CSTPP1: variants seen among roughly 807,000 people sequenced by gnomAD.
The protein encoded by CSTPP1 is UPF0705 protein C11orf49.
the CSTPP1 span, among the ~76,000 whole-genome samples, chr11:47,146,365 CAAAAAAA>C: frequency 1.4e-5 from 1 of 73,834 alleles, no homozygotes; most frequent in Non-Finnish European, 2.8e-5. Flanking sequence ...AACTCTGTCT[CAAAAAAA>C]AAAAAAAAAA....
chr11:47,016,186 A>G, the CSTPP1 span, among the ~76,000 whole-genome samples: 1 of 152,202 alleles, frequency 6.6e-6, no homozygotes, highest in Admixed American at 6.5e-5. Flanking sequence ...AAGGGCATCT[A>G]CGAAAAACCT....
At chr11:46,948,244 G>A in the CSTPP1 span, 1 of 430,746 alleles carries the variant, frequency 2.3e-6, no homozygotes, top group Non-Finnish European at 4.6e-6. Context: ...TTCTCTCTGT[G>A]TGGAGTTCTT....
At chr11:47,112,524 G>A in the CSTPP1 span, among the ~76,000 whole-genome samples, 2 of 152,164 alleles carry the variant, frequency 1.3e-5, no homozygotes, top group African/African-American at 4.8e-5. Context: ...TTTTCACCAT[G>A]TTGGCCAGGC....
At chr11:46,936,979 G>A in the CSTPP1 span, 3 of 1,221,882 alleles carry the variant, frequency 2.5e-6, no homozygotes, top group South Asian at 2.0e-5. Flanking sequence ...CGGAGAGGCG[G>A]GGGTTCCAGG....
At chr11:46,983,441 C>T in the CSTPP1 span, among the ~76,000 whole-genome samples, 1 of 152,176 alleles carries the variant, frequency 6.6e-6, no homozygotes, top group African/African-American at 2.4e-5. Context: ...TTTTAGGACA[C>T]TAGAGCGTAG....
chr11:47,149,988 G>A, the CSTPP1 span, among the ~76,000 whole-genome samples: 5 of 151,914 alleles, frequency 3.3e-5, no homozygotes, highest in African/African-American at 7.3e-5. Context: ...CTAGATCCCC[G>A]TGGCATCTCC....
At chr11:47,038,128 T>G in the CSTPP1 span, among the ~76,000 whole-genome samples, 3 of 6,622 alleles carry the variant, frequency 4.5e-4, no homozygotes, top group Admixed American at 3.3e-3. Flanking sequence ...CCCTCCCGGA[T>G]GGGGCGGCTG....
chr11:47,015,548 G>A, the CSTPP1 span, among the ~76,000 whole-genome samples: 1 of 151,832 alleles, frequency 6.6e-6, no homozygotes, highest in East Asian at 1.9e-4. Flanking sequence ...AGGCCCAGGT[G>A]GCTTCACTGG....
At chr11:46,962,225 G>A in the CSTPP1 span, among the ~76,000 whole-genome samples, 1 of 152,102 alleles carries the variant, frequency 6.6e-6, no homozygotes, top group Non-Finnish European at 1.5e-5. Context: ...AGGCACTTAC[G>A]TCAAAAATCA....
chr11:46,959,491 T>G, the CSTPP1 span, among the ~76,000 whole-genome samples: 1 of 152,060 alleles, frequency 6.6e-6, no homozygotes, highest in Non-Finnish European at 1.5e-5. Flanking sequence ...GGAGGAGGAG[T>G]AGTAACTTTA....
At chr11:47,046,199 C>A in the CSTPP1 span, among the ~76,000 whole-genome samples, 1 of 146,038 alleles carries the variant, frequency 6.8e-6, no homozygotes, top group Non-Finnish European at 1.5e-5. Context: ...AAATGACATC[C>A]AAATTGGAAA....
the CSTPP1 span, among the ~76,000 whole-genome samples, chr11:47,138,979 C>CAAAAAAAAAAAA: frequency 1.5e-4 from 6 of 40,900 alleles, 1 homozygote; most frequent in Non-Finnish European, 2.4e-4. Context: ...GACTCCGTCT[C>CAAAAAAAAAAAA]AAAAAAAAAA....
At chr11:46,994,664 T>C in the CSTPP1 span, among the ~76,000 whole-genome samples, 1 of 152,248 alleles carries the variant, frequency 6.6e-6, no homozygotes, top group African/African-American at 2.4e-5. Context: ...GATGTACTGC[T>C]GGATTCGGTT....
chr11:47,152,649 G>C, the CSTPP1 span, among the ~76,000 whole-genome samples: 1 of 152,236 alleles, frequency 6.6e-6, no homozygotes, highest in Non-Finnish European at 1.5e-5. Flanking sequence ...AGTGGTGATG[G>C]TGGCGCTACT....
chr11:47,164,285 A>G, the CSTPP1 span: 1 of 1,589,084 alleles, frequency 6.3e-7, no homozygotes, highest in Non-Finnish European at 8.6e-7. Flanking sequence ...GGGAGGCAGG[A>G]TCCAGAGGAC....
chr11:47,106,982 G>A, the CSTPP1 span, among the ~76,000 whole-genome samples: 14 of 152,122 alleles, frequency 9.2e-5, no homozygotes, highest in African/African-American at 2.9e-4. Context: ...GCTGTTTCCC[G>A]TTCTTTGCAC....
At chr11:47,043,915 C>A in the CSTPP1 span, among the ~76,000 whole-genome samples, 7 of 152,294 alleles carry the variant, frequency 4.6e-5, no homozygotes, top group South Asian at 1.2e-3. Flanking sequence ...TTAAATTATT[C>A]ATTCTCTATT....
At chr11:47,074,514 A>AC in the CSTPP1 span, among the ~76,000 whole-genome samples, 1 of 145,094 alleles carries the variant, frequency 6.9e-6, no homozygotes, top group African/African-American at 2.8e-5. Context: ...AAAAAAAAAA[A>AC]AAAAAAACAG....
the CSTPP1 span, among the ~76,000 whole-genome samples, chr11:47,076,684 TATAAAA>T: frequency 6.6e-6 from 1 of 151,722 alleles, no homozygotes; most frequent in East Asian, 1.9e-4. Flanking sequence ...CTACTAAAAA[TATAAAA>T]ATCAGCTGGC....
Sources: gnomAD v4.1 joint callset for allele counts (sites outside exome capture counted in the v4.1 genomes callset) on GRCh38, gnomAD v4.1.1 for gene constraint, MANE v1.5 for transcripts, NCBI Gene and HGNC (gene_info 2026-07-23, HGNC 2026-07-21) for gene names.